DLG2: variants seen among roughly 807,000 people sequenced by gnomAD.
DLG2 encodes discs large MAGUK scaffold protein 2, also known as disks large homolog 2.
In DLG2, 45 loss-of-function variants were observed where a neutral mutation model predicts 132.5. That is an observed-to-expected ratio of 0.34 (90% confidence interval 0.27 to 0.44). The LOEUF is 0.44. Ranked by LOEUF, DLG2 falls within the 20% of genes least tolerant of loss-of-function variation. The pLI is 1.00. For synonymous variants in DLG2, 424 were observed against 419.6 expected (o/e 1.01, Z -0.13); for missense variants, 1,045 against 1,196.9 (o/e 0.87, Z 1.87).
intron 6 of DLG2, among the ~76,000 whole-genome samples, chr11:84,844,573 T>TC (rs1431376401): frequency 1.3e-5 from 2 of 151,964 alleles, no homozygotes; most frequent in Admixed American, 1.3e-4. Flanking sequence ...GTCTGCTACC[T>TC]CACACTTTTT....
rs202228353 is a variant in DLG2, at chr11:85,554,985, GC to G, written c.40+43671del. Among the ~76,000 whole-genome samples the G allele has an allele frequency of 9.2e-3, 1,398 of 151,406 alleles. 25 individuals are homozygous for G. The highest frequency in any genetic ancestry group is 0.03 in the African/African-American group (1,245 of 41,350). On this transcript the variant is annotated intron_variant, in intron 3 of 27. Coordinates refer to ENST00000376104, the MANE Select transcript of DLG2 (RefSeq NM_001142699.3). ...ACCAGTCTGCTGCACCCATTCCCTA[GC>G]CCCCCTGCCCACCAAAGTATCCTTG... is the stretch of plus-strand genomic sequence containing the variant.
chr11:85,243,847 G>C (rs1464034571), intron 4 of DLG2, among the ~76,000 whole-genome samples: 1 of 151,934 alleles, frequency 6.6e-6, no homozygotes, highest in East Asian at 1.9e-4. Context: ...TTGAGAGACA[G>C]AATGACATGG....
chr11:84,028,234 C>T (rs146155345), intron 11 of DLG2, among the ~76,000 whole-genome samples: 6 of 152,034 alleles, frequency 3.9e-5, no homozygotes, highest in African/African-American at 7.2e-5. Context: ...CATAGAGAGT[C>T]GAACAAATAT....
intron 3 of DLG2, among the ~76,000 whole-genome samples, chr11:85,534,290 A>T (rs931599868): frequency 2.0e-5 from 3 of 152,196 alleles, no homozygotes; most frequent in Non-Finnish European, 4.4e-5. Flanking sequence ...AAATTAAATT[A>T]AATTTATATT....
At chr11:84,638,286 A>G (rs1208401847) in intron 6 of DLG2, among the ~76,000 whole-genome samples, 1 of 152,256 alleles carries the variant, frequency 6.6e-6, no homozygotes, top group Non-Finnish European at 1.5e-5. Flanking sequence ...AAGAGGAAAT[A>G]TAAATAGATA....
At chr11:83,556,257 G>A (rs79917542) in intron 19 of DLG2, among the ~76,000 whole-genome samples, 3,259 of 152,206 alleles carry the variant, frequency 0.021, 120 homozygotes, top group African/African-American at 0.073. Context: ...CACATCCAGC[G>A]AAACATGCGT....
intron 16 of DLG2, among the ~76,000 whole-genome samples, chr11:83,861,769 G>T (rs781282180): frequency 1.3e-5 from 2 of 152,048 alleles, no homozygotes; most frequent in Non-Finnish European, 2.9e-5. Context: ...ATGGTTAATG[G>T]GTACTAAAAT....
At chr11:84,187,934 ACT>A (rs1339307678) in intron 8 of DLG2, among the ~76,000 whole-genome samples, 1 of 152,054 alleles carries the variant, frequency 6.6e-6, no homozygotes, top group Admixed American at 6.6e-5. Flanking sequence ...CTGTAGAAAG[ACT>A]CTAAAATGTA....
At chr11:84,520,486 C>G (rs991495363) in intron 7 of DLG2, among the ~76,000 whole-genome samples, 2 of 152,190 alleles carry the variant, frequency 1.3e-5, no homozygotes, top group African/African-American at 2.4e-5. Flanking sequence ...TCTTGGCATG[C>G]AACTCCATTA....
rs566211571 is a variant in DLG2, at chr11:83,765,032, T to C, written c.1825+21658A>G. On this transcript the variant is annotated intron_variant, in intron 18 of 27. Coordinates refer to ENST00000376104, the MANE Select transcript of DLG2 (RefSeq NM_001142699.3). ...ATACAATTAAAAACTTTACTTAAAA[T>C]TACATGTTCTGTTATAGTATTAAAA... 2.5e-3 allele frequency among the ~76,000 whole-genome samples: 379 copies of C among 152,328 alleles called. 2 individuals are homozygous for C. Among genetic ancestry groups the C allele is most frequent in the South Asian group, 9.1e-3 (44 of 4,830 alleles).
chr11:84,971,612 T>G lies in DLG2; in HGVS notation c.357+140049A>C, dbSNP rs1470706155. 3.3e-5 allele frequency among the ~76,000 whole-genome samples: 5 copies of G among 152,314 alleles called. No individual in the cohort carries two copies. In the East Asian group the frequency reaches 9.6e-4, roughly 29 times the overall value. On this transcript the variant is annotated intron_variant, in intron 6 of 27. Transcript: ENST00000376104. ...TTTAAAATGTCAAATATAGATTTAT[T>G]TGCAGATAGAGAGAAATAAAAATTA...
At chr11:85,371,411 T>G (rs1305490996) in intron 3 of DLG2, among the ~76,000 whole-genome samples, 1 of 152,226 alleles carries the variant, frequency 6.6e-6, no homozygotes, top group African/African-American at 2.4e-5. Flanking sequence ...TTGGTTACTC[T>G]CTGCCTGGTT....
At chr11:85,218,918 C>T (rs1294146443) in intron 4 of DLG2, among the ~76,000 whole-genome samples, 6 of 152,136 alleles carry the variant, frequency 3.9e-5, no homozygotes, top group East Asian at 1.9e-4. Flanking sequence ...TTTGCAGCAA[C>T]GTGGATGCAT....
intron 19 of DLG2, among the ~76,000 whole-genome samples, chr11:83,572,339 T>C (rs960294285): frequency 1.3e-5 from 2 of 151,998 alleles, no homozygotes; most frequent in Non-Finnish European, 2.9e-5. Context: ...GTGGGAAGAT[T>C]AGGAGTATGA....
intron 6 of DLG2, among the ~76,000 whole-genome samples, chr11:84,863,113 T>A (rs11234222): frequency 0.33 from 50,018 of 151,796 alleles, 8,356 homozygotes; most frequent in Middle Eastern, 0.39. Context: ...ACGTATTTAA[T>A]GTAGATCCTT....
chr11:84,098,764 A>C (rs1018271225), intron 10 of DLG2, among the ~76,000 whole-genome samples, 159 bp downstream of exon 10: 1 of 152,132 alleles, frequency 6.6e-6, no homozygotes, highest in Non-Finnish European at 1.5e-5. Context: ...AAATTCAATC[A>C]GTAGCAAAAG....
At position 83,735,918 on chromosome 11, in the gene DLG2, T is replaced by C. The variant is rs138011409; in HGVS notation, c.1825+50772A>G. Among the ~76,000 whole-genome samples the C allele has an allele frequency of 1.6e-3, 251 of 152,286 alleles. 1 individual carries two copies. The highest frequency in any genetic ancestry group is 6.0e-3 in the African/African-American group (249 of 41,556). ...GGAAAATTCCAGTCTCCAGATTCAC[T>C]CTCTGCCACCAAATCATACTAACTC... On this transcript the variant is annotated intron_variant, in intron 18 of 27. Coordinates refer to ENST00000376104, the MANE Select transcript of DLG2 (RefSeq NM_001142699.3).
At chr11:84,480,526 C>T (rs1395546495) in intron 7 of DLG2, among the ~76,000 whole-genome samples, 2 of 151,404 alleles carry the variant, frequency 1.3e-5, no homozygotes, top group Non-Finnish European at 2.9e-5. Context: ...ATAACTAAAA[C>T]ATAAGTTTTA....
chr11:83,679,116 G>A (rs75503489), intron 18 of DLG2, among the ~76,000 whole-genome samples: 1 of 152,028 alleles, frequency 6.6e-6, no homozygotes, highest in Non-Finnish European at 1.5e-5. Flanking sequence ...AATCAGACAG[G>A]CGTGGGTTTA....
Sources: gnomAD v4.1 joint callset for allele counts (sites outside exome capture counted in the v4.1 genomes callset) on GRCh38, gnomAD v4.1.1 for gene constraint, MANE v1.5 for transcripts, NCBI Gene and HGNC (gene_info 2026-07-23, HGNC 2026-07-21) for gene names.